The following CPVL variants were observed in gnomAD, a reference collection of about 807,000 sequenced individuals.
CPVL encodes the protein carboxypeptidase vitellogenic like.
Under a neutral mutation model 63.7 loss-of-function variants are expected in CPVL, and 51 were observed. The ratio of observed to expected loss-of-function variants is 0.80; its 90% CI spans 0.64 to 1.01. The LOEUF (loss-of-function observed/expected upper bound fraction) is 1.01. Ranked by LOEUF, CPVL falls within the 50% of genes least tolerant of loss-of-function variation. The pLI is 0.00. For missense variants in CPVL, 530 were observed against 573.1 expected (o/e 0.92, Z 0.77); for synonymous variants, 195 against 206.0 (o/e 0.95, Z 0.46).
chr7:29,032,727 C>G (rs1405020506), intron 11 of CPVL, among the ~76,000 whole-genome samples: 1 of 152,202 alleles, frequency 6.6e-6, no homozygotes, highest in Non-Finnish European at 1.5e-5. Flanking sequence ...TTTAATTTTA[C>G]TCTCCATGGC....
At position 29,076,505 on chromosome 7, in the gene CPVL, C is replaced by T. The variant is rs377672636; in HGVS notation, c.610-4082G>A. Among the ~76,000 whole-genome samples the T allele has an allele frequency of 2.6e-5, 4 of 152,300 alleles. No homozygotes were observed. The East Asian group carries it at 7.7e-4, about 29-fold the overall frequency. On this transcript the variant is annotated intron_variant, in intron 7 of 12. Coordinates refer to ENST00000265394, the MANE Select transcript of CPVL (RefSeq NM_031311.5). ...TATTTTAGGATTTGGCAGTGACCTT[C>T]GAATGAGAAGCTCAGCCGGATAAAC...
At chr7:29,093,261 CA>C (rs1786017614) in intron 5 of CPVL, among the ~76,000 whole-genome samples, 1 of 151,326 alleles carries the variant, frequency 6.6e-6, no homozygotes, top group Admixed American at 6.6e-5. Context: ...CCTGTAATCC[CA>C]GCTACTCAGG....
chr7:29,122,422 G>A (rs1789478441), intron 1 of CPVL: 1 of 152,370 alleles, frequency 6.6e-6, no homozygotes, highest in African/African-American at 2.4e-5. Flanking sequence ...TCACCTGGGG[G>A]ATGGTGCAGG....
intron 12 of CPVL, chr7:29,010,763 C>T (rs912397160): frequency 6.6e-6 from 1 of 152,104 alleles, no homozygotes; most frequent in Non-Finnish European, 1.5e-5. Flanking sequence ...GCAATAGAAA[C>T]CAACATTTAT....
chr7:29,064,509 T>C (rs1022852309), intron 10 of CPVL, among the ~76,000 whole-genome samples: 3 of 152,144 alleles, frequency 2.0e-5, no homozygotes, highest in African/African-American at 4.8e-5. Context: ...TCTTTTGCAA[T>C]CTGTGACTCC....
At chr7:28,996,927 G>A (rs1452968884) in intron 12 of CPVL, among the ~76,000 whole-genome samples, 1 of 152,172 alleles carries the variant, frequency 6.6e-6, no homozygotes, top group Non-Finnish European at 1.5e-5. Flanking sequence ...ACAATGAAAT[G>A]CGCTAGTCTT....
Position 29,127,655 on chromosome 7 carries a change from T to C in CPVL, c.-10-6584A>G, listed in dbSNP as rs1387709371. The C allele has an allele frequency of 4.6e-5, 7 of 152,158 alleles. 1 individual carries two copies. Among genetic ancestry groups the C allele is most frequent in the Admixed American group, 3.9e-4 (6 of 15,272 alleles). 9.4% of individuals were successfully genotyped at this position (152,158 alleles called of 1,614,324 possible). On this transcript the variant is annotated intron_variant, in intron 1 of 12. Coordinates refer to ENST00000265394, the MANE Select transcript of CPVL (RefSeq NM_031311.5). ...CTGCTCTCTGACCTTTTCCCACCTT[T>C]TTCTCCTGAGAGCTGGCCATGAAAG... is the stretch of plus-strand genomic sequence containing the variant.
chr7:29,102,662 T>C (rs1787272311), intron 3 of CPVL, among the ~76,000 whole-genome samples: 1 of 151,990 alleles, frequency 6.6e-6, no homozygotes, highest in Non-Finnish European at 1.5e-5. Flanking sequence ...GGCCCGCGGG[T>C]CCCACAAACC....
At chr7:29,005,824 T>G (rs921183658) in intron 12 of CPVL, among the ~76,000 whole-genome samples, 2 of 152,258 alleles carry the variant, frequency 1.3e-5, no homozygotes, top group African/African-American at 4.8e-5. Context: ...GTTTTTATAC[T>G]TGATATCCAC....
At chr7:29,097,644 TGA>T (rs1332052193) in intron 3 of CPVL, among the ~76,000 whole-genome samples, 1 of 152,110 alleles carries the variant, frequency 6.6e-6, no homozygotes, top group Non-Finnish European at 1.5e-5. Flanking sequence ...TGCAGTGAGC[TGA>T]GATAGCACCA....
intron 11 of CPVL, among the ~76,000 whole-genome samples, chr7:29,043,435 C>G (rs1056041328): frequency 2.0e-5 from 3 of 152,066 alleles, no homozygotes; most frequent in Admixed American, 6.6e-5. Flanking sequence ...TGTTGGGAGA[C>G]TAAAGCATCC....
intron 11 of CPVL, among the ~76,000 whole-genome samples, chr7:29,031,372 T>C (rs1788010125): frequency 6.6e-6 from 1 of 152,230 alleles, no homozygotes; most frequent in African/African-American, 2.4e-5. Flanking sequence ...TGAGGAATGT[T>C]CTTTCTTCCT....
chr7:29,126,355 C>A (rs1790022945), intron 1 of CPVL: 1 of 152,180 alleles, frequency 6.6e-6, no homozygotes. Context: ...CATTTACCTG[C>A]ACATACTGGG....
intron 11 of CPVL, among the ~76,000 whole-genome samples, chr7:29,043,516 G>C (rs1277119630): frequency 6.6e-6 from 1 of 152,070 alleles, no homozygotes; most frequent in Non-Finnish European, 1.5e-5. Context: ...AACAAATATG[G>C]GGACTGTCAG....
intron 1 of CPVL, among the ~76,000 whole-genome samples, chr7:29,138,683 T>C (rs1791518798): frequency 6.6e-6 from 1 of 152,146 alleles, no homozygotes; most frequent in Non-Finnish European, 1.5e-5. Flanking sequence ...TGTTTCTATA[T>C]ACCCAAGGCC....
At chr7:29,173,267 T>C (rs1313481390) in intron 5 of CPVL, among the ~76,000 whole-genome samples, 1 of 152,044 alleles carries the variant, frequency 6.6e-6, no homozygotes, top group Non-Finnish European at 1.5e-5. Context: ...AAAAAAGCCC[T>C]GTAGCTGGCA....
chr7:29,014,790 T>A (rs181562398), intron 12 of CPVL, among the ~76,000 whole-genome samples: 6 of 152,358 alleles, frequency 3.9e-5, no homozygotes, highest in African/African-American at 1.4e-4. Flanking sequence ...ATTTTTTTGC[T>A]TGTTGCTTCC....
chr7:29,001,097 AAGG>A (rs1784586594), intron 12 of CPVL: 1 of 152,306 alleles, frequency 6.6e-6, no homozygotes, highest in South Asian at 2.1e-4. Context: ...GGAGAAGGGG[AAGG>A]AGAAGAGGGT....
At chr7:29,057,604 T>G (rs929288977) in intron 11 of CPVL, among the ~76,000 whole-genome samples, 13 of 152,204 alleles carry the variant, frequency 8.5e-5, no homozygotes, top group African/African-American at 2.7e-4. Context: ...TCTCCTAAGT[T>G]AATGCCTACA....
Sources: gnomAD v4.1 joint callset for allele counts (sites outside exome capture counted in the v4.1 genomes callset) on GRCh38, gnomAD v4.1.1 for gene constraint, MANE v1.5 for transcripts, NCBI Gene and HGNC (gene_info 2026-07-23, HGNC 2026-07-21) for gene names.